The following MYO16 variants were observed in gnomAD, a reference collection of about 807,000 sequenced individuals.
The protein encoded by MYO16 is unconventional myosin-XVI.
In MYO16, 94 loss-of-function variants were observed where a neutral mutation model predicts 205.3. That is an observed-to-expected ratio of 0.46 (90% CI 0.39 to 0.54). MYO16 has a LOEUF of 0.54. Ranked by LOEUF, MYO16 falls within the 20% of genes least tolerant of loss-of-function variation. The probability of loss-of-function intolerance (pLI) is 0.00; values close to 1 mark genes in which losing one functional copy is unlikely to be tolerated. For missense variants in MYO16, 2,315 were observed against 2,387.5 expected, an observed-to-expected ratio of 0.97 and a Z score of 0.63; for synonymous variants, 988 against 954.0, an observed-to-expected ratio of 1.04 and a Z score of -0.66.
At position 108,677,344 on chromosome 13, in the gene MYO16, TATATATATATGC is replaced by T. The variant is rs1436627387; in HGVS notation, c.292+11206_292+11217del. Among the ~76,000 whole-genome samples the T allele has an allele frequency of 4.5e-3, 418 of 93,254 alleles. 2 individuals are homozygous for T. The highest frequency in any genetic ancestry group is 0.016 in the African/African-American group (398 of 25,348). The allele number at this position is 93,254 out of a possible 152,430, so 61.2% of individuals were successfully genotyped here. A position where few individuals can be genotyped will look rare whatever the true frequency, so the allele number is the denominator to read the frequency against. On this transcript the variant is annotated intron_variant, in intron 2 of 34. Coordinates refer to ENST00000457511, the MANE Select transcript of MYO16 (RefSeq NM_001198950.3). Reference sequence around the variant, plus strand: ...GTGTGTGTGTGTGTGTGTATATATATATATATATATGCATATATATATATATATGCATATATA... The same window carrying T: ...GTGTGTGTGTGTGTGTGTATATATATATATATATATATATATGCATATATA...
At chr13:108,785,572 A>G (rs1332107590) in intron 4 of MYO16, 63 bp from the exon 5 acceptor site, 10 of 950,246 alleles carry the variant, frequency 1.1e-5, no homozygotes, top group Non-Finnish European at 1.4e-5. Flanking sequence ...TTGAAGTACA[A>G]CTCCTAATCT....
At chr13:108,635,577 T>G (rs993631986) in intron 1 of MYO16, among the ~76,000 whole-genome samples, 5 of 151,980 alleles carry the variant, frequency 3.3e-5, no homozygotes, top group African/African-American at 1.2e-4. Context: ...CTTGGCTCAC[T>G]GCAACCTCTG....
intron 4 of MYO16, among the ~76,000 whole-genome samples, chr13:108,760,435 C>A (rs1885568233): frequency 6.6e-6 from 1 of 151,410 alleles, no homozygotes; most frequent in East Asian, 1.9e-4. Flanking sequence ...ATATCTGCTT[C>A]TTCTTGGCTG....
intron 22 of MYO16, among the ~76,000 whole-genome samples, chr13:109,011,401 T>G (rs1885591039): frequency 6.6e-6 from 1 of 152,000 alleles, no homozygotes; most frequent in South Asian, 2.1e-4. Flanking sequence ...TTTCATTCCC[T>G]TTGGCTGGCA....
intron 9 of MYO16, among the ~76,000 whole-genome samples, chr13:108,828,897 A>G (rs900891041): frequency 2.0e-5 from 3 of 152,016 alleles, no homozygotes; most frequent in African/African-American, 7.2e-5. Flanking sequence ...TGCATTTGGG[A>G]CCCTCTCAGA....
chr13:108,688,957 G>C (rs1465623749), intron 2 of MYO16, among the ~76,000 whole-genome samples: 1 of 152,062 alleles, frequency 6.6e-6, no homozygotes, highest in Non-Finnish European at 1.5e-5. Flanking sequence ...ATAAAGATTT[G>C]ACAACAGCTA....
chr13:108,525,620 T>A, the MYO16 span, among the ~76,000 whole-genome samples: 1 of 152,194 alleles, frequency 6.6e-6, no homozygotes, highest in Non-Finnish European at 1.5e-5. Flanking sequence ...AAACCGCTGA[T>A]CTTGATAGCA....
At chr13:108,818,274 C>G (rs1445135381) in intron 7 of MYO16, among the ~76,000 whole-genome samples, 3 of 151,760 alleles carry the variant, frequency 2.0e-5, no homozygotes, top group African/African-American at 7.3e-5. Context: ...ATCCCAGCTA[C>G]TCTGGAGGCT....
At chr13:109,089,098 T>C (rs915468984) in intron 27 of MYO16, among the ~76,000 whole-genome samples, 2 of 152,054 alleles carry the variant, frequency 1.3e-5, no homozygotes, top group Non-Finnish European at 2.9e-5. Context: ...AGGGGGAATA[T>C]GACCCTGATT....
At chr13:108,820,287 C>A in intron 7 of MYO16, 50 bp from the exon 8 acceptor site, 1 of 1,361,194 alleles carries the variant, frequency 7.3e-7, no homozygotes, top group Non-Finnish European at 1.0e-6. Context: ...ACTGATGTAT[C>A]CTAGCTTCTG....
intron 4 of MYO16, among the ~76,000 whole-genome samples, chr13:108,754,565 A>G (rs1183901405): frequency 3.9e-5 from 6 of 152,180 alleles, no homozygotes; most frequent in Non-Finnish European, 1.5e-5. Flanking sequence ...AAGTAAAAGA[A>G]ATAGATTTAA....
intron 4 of MYO16, among the ~76,000 whole-genome samples, chr13:108,771,669 T>C (rs1248167286): frequency 6.6e-6 from 1 of 152,212 alleles, no homozygotes; most frequent in African/African-American, 2.4e-5. Context: ...ACCCATCTCC[T>C]GACAATTACC....
At chr13:109,047,015 C>CT in intron 24 of MYO16, 24 bp downstream of exon 24, 1 of 1,514,022 alleles carries the variant, frequency 6.6e-7, no homozygotes, top group Non-Finnish European at 9.2e-7. Context: ...TTTTCCTGCC[C>CT]TACACTGGTT....
At chr13:108,621,372 C>T (rs569677920) in intron 1 of MYO16, among the ~76,000 whole-genome samples, 11 of 152,222 alleles carry the variant, frequency 7.2e-5, no homozygotes, top group Admixed American at 3.9e-4. Flanking sequence ...AGTTAACCAC[C>T]GCCAACTGCA....
intron 1 of MYO16, among the ~76,000 whole-genome samples, chr13:108,642,109 C>T (rs17478346): frequency 0.035 from 5,315 of 152,254 alleles, 137 homozygotes; most frequent in South Asian, 0.13. Flanking sequence ...CATCCCAATT[C>T]ATTTCCTAGG....
At chr13:109,058,247 G>A (rs1013786343) in intron 27 of MYO16, among the ~76,000 whole-genome samples, 1 of 152,020 alleles carries the variant, frequency 6.6e-6, no homozygotes, top group Non-Finnish European at 1.5e-5. Flanking sequence ...TGTTGAAAGG[G>A]TGCCGGTGCC....
the MYO16 span, among the ~76,000 whole-genome samples, chr13:108,580,031 T>C: frequency 6.6e-6 from 1 of 152,178 alleles, no homozygotes; most frequent in Admixed American, 6.5e-5. Flanking sequence ...TTTTCCTGAG[T>C]GGCAAATAAT....
At chr13:108,679,463 A>C (rs1426054235) in intron 2 of MYO16, among the ~76,000 whole-genome samples, 1 of 152,138 alleles carries the variant, frequency 6.6e-6, no homozygotes, top group Non-Finnish European at 1.5e-5. Context: ...AACGACTTGC[A>C]CAAAGTAGGT....
At chr13:109,040,411 G>GAGAGAGAGAGAGAGAGAGAGAGAA (rs1886848344) in intron 23 of MYO16, among the ~76,000 whole-genome samples, 2 of 149,868 alleles carry the variant, frequency 1.3e-5, no homozygotes, top group Non-Finnish European at 3.0e-5. Flanking sequence ...GAGAGAGAGA[G>GAGAGAGAGAGAGAGAGAGAGAGAA]AGAGAAAATT....
Sources: allele counts gnomAD v4.1 joint callset (sites outside exome capture counted in the v4.1 genomes callset), GRCh38; gene constraint gnomAD v4.1.1; transcripts MANE v1.5; gene names NCBI Gene and HGNC (gene_info 2026-07-23, HGNC 2026-07-21).